NELL1: variants seen among roughly 807,000 people sequenced by gnomAD.
The protein encoded by NELL1 is protein kinase C-binding protein NELL1.
A neutral mutation model predicts 107.4 loss-of-function variants in NELL1; 76 were observed. The observed-to-expected ratio is 0.71, with a 90% CI of 0.59 to 0.86. NELL1 has a LOEUF of 0.86. NELL1 is among the 40% of genes least tolerant of loss of function. The pLI is 0.00. For missense variants in NELL1, 1,024 were observed against 1,005.5 expected, an observed-to-expected ratio of 1.02 and a Z score of -0.25; for synonymous variants, 353 against 341.2, an observed-to-expected ratio of 1.03 and a Z score of -0.38.
chr11:20,967,043 GT>G (rs1243872908), intron 12 of NELL1, among the ~76,000 whole-genome samples: 1 of 152,050 alleles, frequency 6.6e-6, no homozygotes, highest in East Asian at 1.9e-4. Flanking sequence ...TTTTGTTTTT[GT>G]TTTGTTTTAT....
At chr11:21,477,668 C>G (rs946011790) in intron 15 of NELL1, among the ~76,000 whole-genome samples, 1 of 152,036 alleles carries the variant, frequency 6.6e-6, no homozygotes, top group Non-Finnish European at 1.5e-5. Flanking sequence ...AGCATCAAGA[C>G]TATCCAGGAA....
intron 12 of NELL1, among the ~76,000 whole-genome samples, chr11:21,105,131 CATT>C (rs1271875937): frequency 2.0e-5 from 3 of 152,150 alleles, no homozygotes; most frequent in Non-Finnish European, 4.4e-5. Context: ...GAAGCAGCAT[CATT>C]GTCTGGGGTA....
intron 7 of NELL1, among the ~76,000 whole-genome samples, chr11:20,924,975 T>C (rs1337871125): frequency 6.6e-6 from 1 of 152,228 alleles, no homozygotes; most frequent in Admixed American, 6.5e-5. Flanking sequence ...GAGTACTGCA[T>C]TGAATCCATG....
chr11:21,147,987 T>A (rs1856025012), intron 13 of NELL1, among the ~76,000 whole-genome samples: 1 of 152,014 alleles, frequency 6.6e-6, no homozygotes, highest in African/African-American at 2.4e-5. Context: ...AGTCTTCAAG[T>A]TAAGGCCTCT....
intron 2 of NELL1, among the ~76,000 whole-genome samples, chr11:20,775,215 G>A (rs779044850): frequency 6.6e-6 from 1 of 152,074 alleles, no homozygotes; most frequent in African/African-American, 2.4e-5. Context: ...AAAATTGAAG[G>A]CCATGCCTAT....
intron 12 of NELL1, among the ~76,000 whole-genome samples, chr11:20,984,805 T>C (rs1851819272): frequency 6.6e-6 from 1 of 152,092 alleles, no homozygotes; most frequent in Non-Finnish European, 1.5e-5. Context: ...GTAATTGGCT[T>C]ATTTTGAAGG....
chr11:21,170,668 G>A (rs915021617), intron 13 of NELL1, among the ~76,000 whole-genome samples: 3 of 142,390 alleles, frequency 2.1e-5, no homozygotes, highest in Admixed American at 1.4e-4. Flanking sequence ...TATATATACT[G>A]TATTATATAT....
chr11:21,185,408 C>T lies in NELL1; in HGVS notation c.1427-43924C>T, dbSNP rs146858097. ...CTCCCAGGTTGAAGCGATTCTCCTG[C>T]CTCAGCCTCTCGAATAGCTGGGATT... On this transcript the variant is annotated intron_variant, in intron 13 of 19. Coordinates refer to ENST00000357134, the MANE Select transcript of NELL1 (RefSeq NM_006157.5). 3.1e-4 allele frequency among the ~76,000 whole-genome samples: 47 copies of T among 150,240 alleles called. 1 individual carries two copies. Among genetic ancestry groups the T allele is most frequent in the African/African-American group, 1.1e-3 (43 of 40,550 alleles).
intron 13 of NELL1, among the ~76,000 whole-genome samples, chr11:21,133,739 G>T (rs1855678668): frequency 6.6e-6 from 1 of 151,872 alleles, no homozygotes; most frequent in Non-Finnish European, 1.5e-5. Context: ...GGGGCTTGGT[G>T]GGGGGGTGGG....
At position 21,234,426 on chromosome 11, in the gene NELL1, C is replaced by A. The variant is rs140935732; in HGVS notation, c.1549+4972C>A. 2.6e-5 allele frequency among the ~76,000 whole-genome samples: 4 copies of A among 152,272 alleles called. No individual in the cohort carries two copies. The East Asian group carries it at 7.7e-4, about 29-fold the overall frequency. ...TTGGTATATTCATGTGGCCCACCAA[C>A]TTTGGGGTTTCTCACTCCCTGACCA... On this transcript the variant is annotated intron_variant, in intron 14 of 19. Coordinates refer to ENST00000357134, the MANE Select transcript of NELL1 (RefSeq NM_006157.5).
chr11:21,404,812 G>A (rs1474363272), intron 15 of NELL1, among the ~76,000 whole-genome samples: 6 of 151,964 alleles, frequency 3.9e-5, no homozygotes, highest in Non-Finnish European at 2.9e-5. Context: ...GCTAGGATCT[G>A]TACCTAGGTC....
At chr11:21,226,409 A>G (rs909325846) in intron 13 of NELL1, among the ~76,000 whole-genome samples, 1 of 152,194 alleles carries the variant, frequency 6.6e-6, no homozygotes, top group African/African-American at 2.4e-5. Context: ...TTGTTCATCT[A>G]ATGTCTACAT....
Position 20,927,399 on chromosome 11 carries a change from A to G in NELL1, c.851A>G (p.Asp284Gly), listed in dbSNP as rs532770874. 65 of 1,612,614 alleles carry G rather than the reference A, an allele frequency of 4.0e-5. 1 individual carries two copies. The South Asian group carries it at 7.1e-4, about 18-fold the overall frequency. ...AGTGGACTGCTCTATCGAGATCAAG[A>G]CTCTTGGGTAGATGGTGACCATTGC... ...QVSGLLYRDQ[D>G]SWVDGDHCRN... The change falls in exon 8 of 20, where the codon GAC (aspartate) becomes GGC (glycine). Residue 284 changes from aspartate to glycine, a missense_variant. Physicochemically the swap from Asp to Gly is moderately conservative, Grantham distance 94. Transcript: ENST00000357134.
intron 9 of NELL1, 69 bp from the exon 10 acceptor site, chr11:20,937,717 A>G: frequency 9.4e-7 from 1 of 1,067,886 alleles, no homozygotes; most frequent in Non-Finnish European, 1.5e-6. Flanking sequence ...TATTGGAGTT[A>G]GAAGGTACCT....
At chr11:21,356,413 T>A (rs1850934391) in intron 14 of NELL1, among the ~76,000 whole-genome samples, 1 of 152,166 alleles carries the variant, frequency 6.6e-6, no homozygotes, top group Non-Finnish European at 1.5e-5. Context: ...ACTGCTAACC[T>A]GTAAGATATT....
intron 5 of NELL1, among the ~76,000 whole-genome samples, chr11:20,904,914 G>C (rs917447111): frequency 1.3e-5 from 2 of 151,288 alleles, no homozygotes; most frequent in African/African-American, 4.9e-5. Context: ...CTGCAGCCTT[G>C]ACCTCCTGGG....
chr11:21,370,131 G>T (rs916763817), intron 14 of NELL1, among the ~76,000 whole-genome samples: 2 of 151,944 alleles, frequency 1.3e-5, no homozygotes, highest in African/African-American at 2.4e-5. Context: ...ATGTACTAAC[G>T]GGAACTAACC....
intron 12 of NELL1, among the ~76,000 whole-genome samples, chr11:20,963,175 G>A (rs974300918): frequency 6.6e-6 from 1 of 152,074 alleles, no homozygotes; most frequent in African/African-American, 2.4e-5. Flanking sequence ...GAGAGGAAGG[G>A]GCAGGGCTTA....
At chr11:21,094,538 C>A (rs1854596339) in intron 12 of NELL1, among the ~76,000 whole-genome samples, 1 of 152,230 alleles carries the variant, frequency 6.6e-6, no homozygotes, top group Non-Finnish European at 1.5e-5. Flanking sequence ...AGAGGCTCTC[C>A]ATGAGTGTCC....
Sources: allele counts gnomAD v4.1 joint callset (sites outside exome capture counted in the v4.1 genomes callset), GRCh38; gene constraint gnomAD v4.1.1; transcripts MANE v1.5; gene names NCBI Gene and HGNC (gene_info 2026-07-23, HGNC 2026-07-21).